Variants in SP140L observed in about 807,000 individuals in gnomAD.
SP140L encodes the protein nuclear body protein SP140-like protein.
SP140L carries 64 observed loss-of-function variants against 84.3 expected under a neutral mutation model. The observed-to-expected ratio is 0.76, with a 90% CI of 0.62 to 0.94. The LOEUF is 0.94. SP140L is among the 40% of genes least tolerant of loss of function. The probability of loss-of-function intolerance (pLI) is 0.00; values close to 1 mark genes in which losing one functional copy is unlikely to be tolerated. For synonymous variants in SP140L, 242 were observed against 236.9 expected (o/e 1.02, Z -0.20); for missense variants, 628 against 692.5 (o/e 0.91, Z 1.05).
At chr2:230,369,758 C>T (rs2060994604) in intron 5 of SP140L, among the ~76,000 whole-genome samples, 1 of 148,678 alleles carries the variant, frequency 6.7e-6, no homozygotes, top group Non-Finnish European at 1.5e-5. Context: ...TTACTACTTT[C>T]TTTTTGTTTG....
At chr2:230,393,713 T>C (rs1175531167) in intron 13 of SP140L, among the ~76,000 whole-genome samples, 1 of 152,208 alleles carries the variant, frequency 6.6e-6, no homozygotes, top group Non-Finnish European at 1.5e-5. Flanking sequence ...ACAAACCTCC[T>C]GAATGTGTTT....
intron 2 of SP140L, among the ~76,000 whole-genome samples, chr2:230,336,282 T>C (rs1300631780): frequency 6.6e-6 from 1 of 152,224 alleles, no homozygotes; most frequent in East Asian, 1.9e-4. Context: ...TGTGGTTGAT[T>C]TCTTCTTTGT....
At chr2:230,371,746 A>G in intron 7 of SP140L, 95 bp downstream of exon 7, 1 of 1,168,292 alleles carries the variant, frequency 8.6e-7, no homozygotes, top group Non-Finnish European at 1.2e-6. Flanking sequence ...TTCTGTTATT[A>G]TTTGCAATAC....
At chr2:230,395,344 G>C (rs1347327034) in intron 13 of SP140L, among the ~76,000 whole-genome samples, 1 of 152,164 alleles carries the variant, frequency 6.6e-6, no homozygotes, top group Admixed American at 6.5e-5. Context: ...TTGAGAGGCT[G>C]AGATGGGAGG....
At chr2:230,387,212 T>C (rs747827519) in intron 9 of SP140L, among the ~76,000 whole-genome samples, 8 of 152,242 alleles carry the variant, frequency 5.3e-5, no homozygotes, top group Non-Finnish European at 1.0e-4. Context: ...TAGTTTTTCT[T>C]AGCCCTTGGC....
intron 5 of SP140L, 62 bp from the exon 6 acceptor site, chr2:230,370,846 C>T: frequency 6.5e-7 from 1 of 1,535,238 alleles, no homozygotes. Flanking sequence ...ACAATTTTGC[C>T]CCGGGAGCAG....
chr2:230,381,613 T>C (rs1298167279), intron 7 of SP140L, among the ~76,000 whole-genome samples: 6 of 152,032 alleles, frequency 3.9e-5, no homozygotes, highest in African/African-American at 1.4e-4. Context: ...CTCAGCACTT[T>C]GGGAGACCAA....
chr2:230,351,149 GGTCA>G (rs1403373390), intron 2 of SP140L, among the ~76,000 whole-genome samples: 1 of 152,122 alleles, frequency 6.6e-6, no homozygotes, highest in Non-Finnish European at 1.5e-5. Context: ...GGATCTGCTG[GGTCA>G]GTCAGTCTGT....
chr2:230,371,809 G>A, intron 7 of SP140L, 158 bp downstream of exon 7: 1 of 667,794 alleles, frequency 1.5e-6, no homozygotes, highest in Non-Finnish European at 2.7e-6. Context: ...CCTAATCCCT[G>A]GACCTGTAAT....
intron 2 of SP140L, among the ~76,000 whole-genome samples, chr2:230,337,555 A>G (rs1379575705): frequency 3.3e-5 from 5 of 152,084 alleles, no homozygotes; most frequent in Non-Finnish European, 5.9e-5. Flanking sequence ...TGTTTTAGAC[A>G]TGAAGTCCTT....
intron 2 of SP140L, among the ~76,000 whole-genome samples, chr2:230,347,235 C>T (rs540704823): frequency 1.1e-4 from 17 of 152,148 alleles, no homozygotes; most frequent in Admixed American, 3.9e-4. Context: ...TACTGGCTGG[C>T]TTCTGAGATG....
chr2:230,336,427 C>T (rs952363572), intron 2 of SP140L, among the ~76,000 whole-genome samples: 2 of 152,208 alleles, frequency 1.3e-5, no homozygotes, highest in African/African-American at 4.8e-5. Context: ...CTTTTAGCTA[C>T]CTGCAAGTAA....
chr2:230,397,483 C>T (rs910526349), intron 14 of SP140L, among the ~76,000 whole-genome samples: 2 of 152,178 alleles, frequency 1.3e-5, no homozygotes, highest in Non-Finnish European at 2.9e-5. Context: ...ACTATGCAAA[C>T]TTTCTGATCC....
At chr2:230,359,216 T>A (rs2060641285) in intron 4 of SP140L, 84 bp downstream of exon 4, 1 of 1,217,342 alleles carries the variant, frequency 8.2e-7, no homozygotes, top group Admixed American at 2.0e-5. Context: ...CCATGTGCGA[T>A]ACATTGTGTT....
At chr2:230,385,351 C>G (rs1467677112) in intron 9 of SP140L, 47 bp downstream of exon 9, 1 of 1,569,988 alleles carries the variant, frequency 6.4e-7, no homozygotes, top group African/African-American at 1.4e-5. Context: ...CAGGTCAATG[C>G]ACATGTTGAG....
chr2:230,358,270 G>A (rs963233990), intron 3 of SP140L, among the ~76,000 whole-genome samples: 3 of 152,096 alleles, frequency 2.0e-5, no homozygotes, highest in Non-Finnish European at 4.4e-5. Context: ...AATCATAATT[G>A]ACAGAGCATT....
chr2:230,331,205 A>T (rs2059716433), intron 2 of SP140L, among the ~76,000 whole-genome samples: 1 of 152,222 alleles, frequency 6.6e-6, no homozygotes, highest in Non-Finnish European at 1.5e-5. Context: ...AGAGAAAGAG[A>T]CCACATTTAC....
In SP140L at chr2:230,392,138, T is replaced by C. The variant is rs776533562; in HGVS notation, c.1016T>C (p.Met339Thr). ...QTEDGKWFTP[M>T]EFEIKGGYAR... Reference sequence around the variant, plus strand: ...GAGGATGGAAAATGGTTCACCCCCATGGAATTTGAAATCAAAGGAGGCTAC... The same window carrying C: ...GAGGATGGAAAATGGTTCACCCCCACGGAATTTGAAATCAAAGGAGGCTAC... Residue 339 changes from methionine (M) to threonine (T), a missense_variant, in exon 12 of 19, where the codon ATG (methionine) becomes ACG (threonine). By Grantham distance (81) the Met-to-Thr change is moderately conservative. Coordinates refer to ENST00000415673, the MANE Select transcript of SP140L (RefSeq NM_138402.6). 6 of 1,614,012 alleles carry C rather than the reference T, an allele frequency of 3.7e-6. No individual in the cohort carries two copies. The highest frequency in any genetic ancestry group is 1.7e-4 in the Middle Eastern group (1 of 6,060).
At chr2:230,365,773 A>G (rs780228274) in intron 5 of SP140L, among the ~76,000 whole-genome samples, 1 of 151,066 alleles carries the variant, frequency 6.6e-6, no homozygotes, top group Non-Finnish European at 1.5e-5. Context: ...ATTGCTACAA[A>G]CTCCTCTTCT....
Sources: allele counts gnomAD v4.1 joint callset (sites outside exome capture counted in the v4.1 genomes callset), GRCh38; gene constraint gnomAD v4.1.1; transcripts MANE v1.5; gene names NCBI Gene and HGNC (gene_info 2026-07-23, HGNC 2026-07-21).